ZKSCAN1: variants seen among roughly 807,000 people sequenced by gnomAD.
The protein encoded by ZKSCAN1 is zinc finger with KRAB and SCAN domains 1, also known as zinc finger protein with KRAB and SCAN domains 1.
A neutral mutation model predicts 51.6 loss-of-function variants in ZKSCAN1; 14 were observed. That is an observed-to-expected ratio of 0.27 (90% CI 0.18 to 0.42). The LOEUF is 0.42. ZKSCAN1 is among the 10% of genes least tolerant of loss of function. The pLI is 1.00. For missense variants in ZKSCAN1, 531 were observed against 710.0 expected (o/e 0.75, Z 2.86); for synonymous variants, 263 against 261.5 (o/e 1.01, Z -0.06).
intron 5 of ZKSCAN1, among the ~76,000 whole-genome samples, chr7:100,032,956 C>T (rs12705069): frequency 0.082 from 12,184 of 148,444 alleles, 668 homozygotes; most frequent in Non-Finnish European, 0.12. Flanking sequence ...TGCAGTGAGC[C>T]GAGATCACGC....
intron 3 of ZKSCAN1, among the ~76,000 whole-genome samples, chr7:100,026,442 A>T (rs1790840643): frequency 6.6e-6 from 1 of 151,974 alleles, no homozygotes; most frequent in Admixed American, 6.6e-5. Context: ...CTTCAATAAT[A>T]AATCAGCCAG....
In ZKSCAN1 at chr7:100,024,227, C is replaced by T. The variant is rs781502503; in HGVS notation, c.500C>T (p.Ser167Leu). The change falls in exon 3 of 6, where the codon TCG becomes TTG. Residue 167 changes from serine to leucine, a missense_variant. Ser to Leu is a moderately radical substitution (Grantham distance 145). Transcript: ENST00000324306. ...MVPLDPVQES[S>L]SFDLHHEATQ... ...CCTCTGGATCCAGTTCAGGAGTCCT[C>T]GAGCTTTGACCTTCATCACGAGGCC... The T allele has an allele frequency of 9.3e-6, 15 of 1,614,102 alleles. No homozygotes were observed. The highest frequency in any genetic ancestry group is 1.2e-5 in the Non-Finnish European group (14 of 1,180,032).
intron 5 of ZKSCAN1, among the ~76,000 whole-genome samples, chr7:100,031,278 T>C (rs1229269855): frequency 6.9e-6 from 1 of 144,620 alleles, no homozygotes; most frequent in Admixed American, 6.9e-5. Flanking sequence ...AGATGATTTT[T>C]TTTTTTTTTT....
chr7:100,044,623 A>G (rs566673795), downstream of ZKSCAN1, among the ~76,000 whole-genome samples: 140 of 149,594 alleles, frequency 9.4e-4, no homozygotes, highest in Middle Eastern at 3.5e-3. Flanking sequence ...GGAGCTTGCA[A>G]TGAGCTGAGA....
intron 1 of ZKSCAN1, among the ~76,000 whole-genome samples, chr7:100,021,399 A>G (rs779977857): frequency 6.6e-6 from 1 of 152,208 alleles, no homozygotes; most frequent in Non-Finnish European, 1.5e-5. Context: ...AAGTGCTGGT[A>G]TTACAGGCAT....
rs555576904 is a variant in ZKSCAN1, at chr7:100,037,000, G to A, written c.*2803G>A. 14 of 985,326 alleles carry A rather than the reference G, an allele frequency of 1.4e-5. No homozygotes were observed. The highest frequency in any genetic ancestry group is 1.4e-4 in the South Asian group (3 of 21,274). 61.0% of individuals were successfully genotyped at this position (985,326 alleles called of 1,614,324 possible). On this transcript the variant is annotated 3_prime_UTR_variant, in exon 6 of 6. Transcript: ENST00000324306. ...GGATAGCTGCCACTAGGGTTGCTTC[G>A]ATCTTCAGCCACATGCTGTCCTTGA...
intron 1 of ZKSCAN1, among the ~76,000 whole-genome samples, chr7:100,020,086 G>A (rs908425732): frequency 6.6e-6 from 1 of 152,120 alleles, no homozygotes; most frequent in Non-Finnish European, 1.5e-5. Context: ...TTAAATACCC[G>A]GTACCTAGAA....
chr7:100,044,845 A>G (rs1178628009), downstream of ZKSCAN1: 1 of 985,186 alleles, frequency 1.0e-6, no homozygotes, highest in East Asian at 1.1e-4. Context: ...AAGAAAAAGG[A>G]CATGTTCGGA....
chr7:100,037,115 A>G lies in ZKSCAN1; in HGVS notation c.*2918A>G, dbSNP rs1791397761. ...CAGTGCATTCGTTTATCAGATGCTC[A>G]GTGCAAAGTGTAATTGGGTCATGGT... On this transcript the variant is annotated 3_prime_UTR_variant, in exon 6 of 6. Transcript: ENST00000324306. 2.0e-6 allele frequency: 2 copies of G among 985,358 alleles called. No homozygotes were observed. Among genetic ancestry groups the G allele is most frequent in the Admixed American group, 6.1e-5 (1 of 16,264 alleles). 61.0% of individuals were successfully genotyped at this position (985,358 alleles called of 1,614,324 possible).
chr7:100,039,367 G>A lies in ZKSCAN1; in HGVS notation c.*5170G>A. ...AAATTGGGGATAGGAGAACAGCAAG[G>A]TGGGCATTTCCCGGAATTGTGTGCA... On this transcript the variant is annotated 3_prime_UTR_variant, in exon 6 of 6. Transcript: ENST00000324306. 2.0e-6 allele frequency: 2 copies of A among 985,414 alleles called. No homozygotes were observed. The highest frequency in any genetic ancestry group is 2.4e-6 in the Non-Finnish European group (2 of 830,032). 61.0% of individuals were successfully genotyped at this position (985,414 alleles called of 1,614,324 possible).
rs1478136325 is a variant in ZKSCAN1 at position 100,036,222 on chromosome 7, G to A, written c.*2025G>A. On this transcript the variant is annotated 3_prime_UTR_variant, in exon 6 of 6. Transcript: ENST00000324306. ...CTAAGCAGTTTCATCAGCATTACTT[G>A]GGAAAACGTGTTGCAAGTCAACCAG... The A allele has an allele frequency of 1.0e-6, 1 of 985,324 alleles. No individual in the cohort carries two copies. The highest frequency in any genetic ancestry group is 1.2e-6 in the Non-Finnish European group (1 of 829,922). The allele number at this position is 985,324 out of a possible 1,614,324, so 61.0% of individuals were successfully genotyped here.
intron 3 of ZKSCAN1, among the ~76,000 whole-genome samples, chr7:100,026,850 T>A (rs1790858176): frequency 6.6e-6 from 1 of 152,152 alleles, no homozygotes; most frequent in South Asian, 2.1e-4. Context: ...AAGACAAACA[T>A]GTTGCACAGC....
chr7:100,024,452 G>A lies in ZKSCAN1; in HGVS notation c.580+145G>A, dbSNP rs1584334109. The A allele has an allele frequency of 2.8e-6, 3 of 1,058,922 alleles. No homozygotes were observed. In the East Asian group the frequency reaches 7.9e-5, roughly 28 times the overall value. 65.6% of individuals were successfully genotyped at this position (1,058,922 alleles called of 1,614,324 possible). A position where few individuals can be genotyped will look rare whatever the true frequency, so the allele number is the denominator to read the frequency against. On this transcript the variant is annotated intron_variant, in intron 3 of 5. Transcript: ENST00000324306. ...CTACAAAAAATAGAAAAATTAGCCAGGTATAGTGGCGCACACCTGTGATTC... is the reference window on the plus strand; with the variant it reads ...CTACAAAAAATAGAAAAATTAGCCAAGTATAGTGGCGCACACCTGTGATTC...
intron 1 of ZKSCAN1, among the ~76,000 whole-genome samples, chr7:100,017,646 C>G (rs1790424371): frequency 6.6e-6 from 1 of 152,232 alleles, no homozygotes; most frequent in South Asian, 2.1e-4. Flanking sequence ...TAGGTGAGAA[C>G]TGAGGTATCC....
chr7:100,044,545 G>GT (rs1791676013), downstream of ZKSCAN1, among the ~76,000 whole-genome samples: 1 of 151,980 alleles, frequency 6.6e-6, no homozygotes, highest in African/African-American at 2.4e-5. Context: ...GCCAGGCGTG[G>GT]TGGCGGGTGC....
Position 100,035,627 on chromosome 7 carries a change from A to G in ZKSCAN1, c.*1430A>G, listed in dbSNP as rs1355381304. ...TTCCAGTAACTTTGCAAAAGCATTA[A>G]TTGTTCACTGGCAATTACTAAATGT... On this transcript the variant is annotated 3_prime_UTR_variant, in exon 6 of 6. Transcript: ENST00000324306. 1.3e-5 allele frequency: 2 copies of G among 158,142 alleles called. No homozygotes were observed. The highest frequency in any genetic ancestry group is 2.7e-5 in the Non-Finnish European group (2 of 73,468). The allele number at this position is 158,142 out of a possible 1,614,324, so 9.8% of individuals were successfully genotyped here.
intron 5 of ZKSCAN1, 95 bp downstream of exon 5, chr7:100,030,470 A>G: frequency 7.0e-7 from 1 of 1,426,338 alleles, no homozygotes; most frequent in Non-Finnish European, 9.5e-7. Context: ...AGTGTTGAGG[A>G]GTTAGAGACT....
downstream of ZKSCAN1, chr7:100,044,635 C>G (rs773492129): frequency 2.0e-3 from 637 of 319,054 alleles, 1 homozygote; most frequent in Non-Finnish European, 2.5e-3. Flanking sequence ...GAGCTGAGAT[C>G]GTGCCACTGC....
At chr7:100,030,456 A>G (rs1441861168) in intron 5 of ZKSCAN1, 81 bp downstream of exon 5, 1 of 1,513,448 alleles carries the variant, frequency 6.6e-7, no homozygotes, top group Non-Finnish European at 8.9e-7. Flanking sequence ...GATGTGTTCA[A>G]TTGAGTGTTG....
Sources: allele counts gnomAD v4.1 joint callset (sites outside exome capture counted in the v4.1 genomes callset), GRCh38; gene constraint gnomAD v4.1.1; transcripts MANE v1.5; gene names NCBI Gene and HGNC (gene_info 2026-07-23, HGNC 2026-07-21).